PSIP1: variants seen among roughly 807,000 people sequenced by gnomAD.
PSIP1 encodes PC4 and SRSF1 interacting protein 1.
In PSIP1, 19 loss-of-function variants were observed where a neutral mutation model predicts 74.7. That is an observed-to-expected ratio of 0.25 (90% CI 0.18 to 0.37). PSIP1 has a LOEUF of 0.37. Among genes scored for constraint, PSIP1 ranks in the 10% least tolerant of loss-of-function variants. The probability of loss-of-function intolerance (pLI) is 1.00; values close to 1 mark genes in which losing one functional copy is unlikely to be tolerated. For missense variants in PSIP1, 601 were observed against 614.3 expected (o/e 0.98, Z 0.23); for synonymous variants, 222 against 195.3 (o/e 1.14, Z -1.14).
chr9:15,507,587 G>C (rs185382830), intron 2 of PSIP1, among the ~76,000 whole-genome samples: 1 of 152,120 alleles, frequency 6.6e-6, no homozygotes, highest in East Asian at 1.9e-4. Flanking sequence ...GCAGTGAGCC[G>C]AGATCATGCC....
At chr9:15,468,261 G>A in intron 14 of PSIP1, 1 of 488,852 alleles carries the variant, frequency 2.0e-6, no homozygotes, top group Non-Finnish European at 4.1e-6. Flanking sequence ...AATTTAAAAG[G>A]CTACTGTACG....
At position 15,486,045 on chromosome 9, in the gene PSIP1, T is replaced by C; in HGVS notation, c.417A>G (p.Ile139Met). 1 of 1,609,318 alleles carries C rather than the reference T, an allele frequency of 6.2e-7. No individual in the cohort carries two copies. Among genetic ancestry groups the C allele is most frequent in the East Asian group, 2.2e-5 (1 of 44,774 alleles). ...SNEDVTKAVD[I>M]TTPKAARRGR... ...CCCTTCTGGCAGCTTTTGGAGTAGT[T>C]ATGTCAACTGCTTTAGTCACATCCT... is the stretch of plus-strand genomic sequence containing the variant. Residue 139 changes from isoleucine (I) to methionine (M), a missense_variant, in exon 6 of 16, where the codon ATA (isoleucine) becomes ATG (methionine). Physicochemically the swap from Ile to Met is conservative, Grantham distance 10. Transcript: ENST00000380733.
intron 8 of PSIP1, among the ~76,000 whole-genome samples, chr9:15,476,237 C>T (rs1449154657): frequency 1.3e-5 from 2 of 152,090 alleles, no homozygotes; most frequent in Admixed American, 1.3e-4. Flanking sequence ...TCCATTGCCT[C>T]AGGAAAAAGC....
At position 15,486,035 on chromosome 9, in the gene PSIP1, T is replaced by G; in HGVS notation, c.427A>C (p.Lys143Gln). The G allele has an allele frequency of 3.1e-6, 5 of 1,610,020 alleles. No homozygotes were observed. The highest frequency in any genetic ancestry group is 4.2e-6 in the Non-Finnish European group (5 of 1,176,828). Reference sequence around the variant, plus strand: ...CTCTTTCTCCCCCTTCTGGCAGCTTTTGGAGTAGTTATGTCAACTGCTTTA... The same window carrying G: ...CTCTTTCTCCCCCTTCTGGCAGCTTGTGGAGTAGTTATGTCAACTGCTTTA... ...VTKAVDITTP[K>Q]AARRGRKRKA... is the part of the protein sequence containing the mutation. The change falls in exon 6 of 16, where the codon AAA becomes CAA. Residue 143 changes from lysine to glutamine, a missense_variant. Physicochemically the swap from Lys to Gln is moderately conservative, Grantham distance 53 (BLOSUM62 1). Around this residue, in one of 2 missense-constraint regions of PSIP1, gnomAD observed 538 missense variants for 507.6 expected, o/e 1.06. Transcript: ENST00000380733.
chr9:15,469,852 T>C, intron 11 of PSIP1, 86 bp downstream of exon 11: 1 of 1,172,540 alleles, frequency 8.5e-7, no homozygotes, highest in South Asian at 1.3e-5. Flanking sequence ...ATAAAATTAT[T>C]CCAAAACCAA....
intron 3 of PSIP1, among the ~76,000 whole-genome samples, chr9:15,498,665 T>A (rs985166234): frequency 6.6e-6 from 1 of 152,112 alleles, no homozygotes; most frequent in Non-Finnish European, 1.5e-5. Context: ...TAAAATTACA[T>A]ATAAAAAAAT....
chr9:15,495,087 T>G (rs2037013512), intron 3 of PSIP1, among the ~76,000 whole-genome samples: 1 of 152,012 alleles, frequency 6.6e-6, no homozygotes, highest in African/African-American at 2.4e-5. Flanking sequence ...AAAAGACAAC[T>G]AAAGAAGTTG....
At chr9:15,472,526 T>C (rs190481921) in intron 10 of PSIP1, 106 bp downstream of exon 10, 30 of 1,466,824 alleles carry the variant, frequency 2.0e-5, no homozygotes, top group Admixed American at 1.9e-4. Context: ...GAAAAGTCAC[T>C]TCTTCAAAAG....
At chr9:15,507,909 T>C (rs926155) in intron 2 of PSIP1, among the ~76,000 whole-genome samples, 6,559 of 152,250 alleles carry the variant, frequency 0.043, 469 homozygotes, top group African/African-American at 0.15. Context: ...TCCCCACTTA[T>C]ATGATGAAGA....
rs768304775 is a variant in PSIP1 at position 15,464,141 on chromosome 9, G to C, written c.*1379C>G. 2.7e-5 allele frequency: 5 copies of C among 183,358 alleles called. No individual in the cohort carries two copies. The highest frequency in any genetic ancestry group is 4.6e-5 in the Non-Finnish European group (4 of 86,062). The allele number at this position is 183,358 out of a possible 1,614,324, so 11.4% of individuals were successfully genotyped here. ...GCTTAACTAGAATAAATCTAAGTAA[G>C]TTAAAACTGTATAAGGACCAAACAG... On this transcript the variant is annotated 3_prime_UTR_variant, in exon 16 of 16. Coordinates refer to ENST00000380733, the MANE Select transcript of PSIP1 (RefSeq NM_033222.5).
intron 2 of PSIP1, 67 bp downstream of exon 2, chr9:15,510,050 A>C: frequency 6.9e-7 from 1 of 1,438,996 alleles, no homozygotes; most frequent in South Asian, 1.2e-5. Flanking sequence ...ATAAAGAGAC[A>C]CGGTGGGCAG....
At chr9:15,485,645 CACTT>C (rs1191931867) in intron 6 of PSIP1, among the ~76,000 whole-genome samples, 2 of 152,188 alleles carry the variant, frequency 1.3e-5, no homozygotes, top group Non-Finnish European at 2.9e-5. Context: ...ACTTATATAA[CACTT>C]ACTAGTGTTT....
intron 9 of PSIP1, 96 bp from the exon 10 acceptor site, chr9:15,472,846 TA>T (rs1333438081): frequency 5.2e-5 from 60 of 1,164,924 alleles, no homozygotes; most frequent in Non-Finnish European, 6.5e-5. Context: ...AGCTAGTTTT[TA>T]AAAAAGGGAT....
At chr9:15,476,576 A>G (rs565941506) in intron 8 of PSIP1, among the ~76,000 whole-genome samples, 1 of 152,354 alleles carries the variant, frequency 6.6e-6, no homozygotes, top group East Asian at 1.9e-4. Flanking sequence ...TAAAGGGTAT[A>G]GCTGCAATCC....
In PSIP1 at chr9:15,466,907, A is replaced by G. The variant is rs16933270; in HGVS notation, c.1421-48T>C. On this transcript the variant is annotated intron_variant, in intron 14 of 15. Transcript: ENST00000380733. ...AAACTTTGTTAAAGCTTACAAAACA[A>G]TAATTGAAGGTGTCCACTAAAGATC... is the stretch of plus-strand genomic sequence containing the variant. The G allele has an allele frequency of 7.8e-3, 11,008 of 1,405,830 alleles. 613 individuals carry two copies. The African/African-American group carries it at 0.13, about 17-fold the overall frequency. 87.1% of individuals were successfully genotyped at this position (1,405,830 alleles called of 1,614,324 possible).
At chr9:15,494,117 A>G (rs1586838974) in intron 3 of PSIP1, among the ~76,000 whole-genome samples, 6 of 152,362 alleles carry the variant, frequency 3.9e-5, no homozygotes, top group Admixed American at 3.3e-4. Context: ...AAAATGTACT[A>G]AATTTTAAAA....
chr9:15,474,974 C>T (rs896425329), intron 8 of PSIP1, among the ~76,000 whole-genome samples: 5 of 152,114 alleles, frequency 3.3e-5, no homozygotes, highest in Admixed American at 1.3e-4. Context: ...AATTTGAGAG[C>T]TTGAAGAGAC....
chr9:15,476,700 C>T (rs554895847), intron 8 of PSIP1, among the ~76,000 whole-genome samples: 63 of 152,226 alleles, frequency 4.1e-4, no homozygotes, highest in African/African-American at 1.1e-3. Flanking sequence ...TATAAAAAGA[C>T]GAGCATGTCT....
At chr9:15,484,171 AG>A (rs1262209076) in intron 6 of PSIP1, among the ~76,000 whole-genome samples, 4 of 151,454 alleles carry the variant, frequency 2.6e-5, no homozygotes, top group African/African-American at 9.7e-5. Flanking sequence ...AAAAAAAAAA[AG>A]AAAAAAGAGG....
Sources: allele counts gnomAD v4.1 joint callset (sites outside exome capture counted in the v4.1 genomes callset), GRCh38; gene constraint gnomAD v4.1.1; regional missense constraint gnomAD v4.1.1; transcripts MANE v1.5; gene names NCBI Gene and HGNC (gene_info 2026-07-23, HGNC 2026-07-21).